Variants in EPS8L2 observed in about 807,000 individuals in gnomAD.
The protein encoded by EPS8L2 is EPS8 signaling adaptor L2, also known as epidermal growth factor receptor kinase substrate 8-like protein 2.
Under a neutral mutation model 99.4 loss-of-function variants are expected in EPS8L2, and 81 were observed. The observed-to-expected ratio is 0.82, with a 90% CI of 0.68 to 0.98. EPS8L2 has a LOEUF of 0.98. Ranked by LOEUF, EPS8L2 falls within the 50% of genes least tolerant of loss-of-function variation. The pLI is 0.00. For synonymous variants in EPS8L2, 509 were observed against 407.3 expected (o/e 1.25, Z -3.01); for missense variants, 1,155 against 968.8 (o/e 1.19, Z -2.55).
chr11:715,204 T>C (rs187724128), intron 4 of EPS8L2, among the ~76,000 whole-genome samples: 30 of 151,246 alleles, frequency 2.0e-4, no homozygotes, highest in Non-Finnish European at 2.9e-4. Flanking sequence ...ATTGCGCCAC[T>C]GCACTCCAGC....
At chr11:711,090 G>A (rs1861875431) in intron 4 of EPS8L2, among the ~76,000 whole-genome samples, 1 of 152,150 alleles carries the variant, frequency 6.6e-6, no homozygotes, top group African/African-American at 2.4e-5. Flanking sequence ...CCCTTGATGG[G>A]GGATTCAGGG....
At chr11:713,390 T>C (rs1478022316) in intron 4 of EPS8L2, among the ~76,000 whole-genome samples, 1 of 152,222 alleles carries the variant, frequency 6.6e-6, no homozygotes, top group South Asian at 2.1e-4. Flanking sequence ...TTCTGTTTGT[T>C]TGTGTGTTTG....
At position 724,308 on chromosome 11, in the gene EPS8L2, C is replaced by A. The variant is rs1055120030; in HGVS notation, c.1455-416C>A. On this transcript the variant is annotated intron_variant, in intron 15 of 20. Coordinates refer to ENST00000318562, the MANE Select transcript of EPS8L2 (RefSeq NM_022772.4). This position sits in a 1 kb window ranked among gnomAD's most constrained non-coding sequence, Gnocchi z 5.5. ...CCCGTCCTCCACTGGACCATTTGGG[C>A]TGTGTTCAGTCCTCAGAGGGGCCAC... 6.6e-6 allele frequency among the ~76,000 whole-genome samples: 1 copy of A among 152,098 alleles called. No individual in the cohort carries two copies. The highest frequency in any genetic ancestry group is 1.9e-4 in the East Asian group (1 of 5,152).
Position 726,464 on chromosome 11 carries a change from A to G in EPS8L2, c.1914A>G (p.Glu638=), listed in dbSNP as rs1313754872. The change falls in exon 19 of 21, where the codon GAA becomes GAG. Residue 638 remains glutamate, a synonymous_variant. Coordinates refer to ENST00000318562, the MANE Select transcript of EPS8L2 (RefSeq NM_022772.4). ...SGPDEVRAWL[E]AKAFSPRIVE... ...CGGACGAGGTCCGCGCCTGGCTGGA[A>G]GCCAAGGCCTTCAGCCCGCGGTGAG... is the stretch of plus-strand genomic sequence containing the variant. The G allele has an allele frequency of 6.4e-7, 1 of 1,572,748 alleles. No individual in the cohort carries two copies. Among genetic ancestry groups the G allele is most frequent in the Non-Finnish European group, 8.6e-7 (1 of 1,160,934 alleles).
At chr11:726,055 G>GGGGGC (rs1862308412) in intron 17 of EPS8L2, 43 bp from the exon 18 acceptor site, 2 of 1,408,028 alleles carry the variant, frequency 1.4e-6, no homozygotes, top group Non-Finnish European at 9.8e-7. Context: ...GCTGGGAGGC[G>GGGGGC]GGGGCGGGGC....
intron 18 of EPS8L2, 58 bp downstream of exon 18, chr11:726,228 G>A (rs915466330): frequency 5.8e-6 from 9 of 1,565,034 alleles, no homozygotes; most frequent in Admixed American, 5.6e-5. Context: ...GGGGGAGGAA[G>A]TGTGGGGGGG....
intron 4 of EPS8L2, among the ~76,000 whole-genome samples, chr11:710,938 G>T (rs555168250): frequency 6.6e-6 from 1 of 152,202 alleles, no homozygotes; most frequent in Admixed American, 6.5e-5. Flanking sequence ...CTCGCGGCCT[G>T]GGGGGTGAGG....
intron 4 of EPS8L2, among the ~76,000 whole-genome samples, chr11:713,210 GT>G (rs1293503310): frequency 1.3e-5 from 2 of 152,216 alleles, no homozygotes; most frequent in Admixed American, 1.3e-4. Context: ...CGGGTCCATG[GT>G]TTGCTTTTTT....
At chr11:721,005 A>AGGGGAGGGGAGGAGCCCGGCAGGGGCG in intron 7 of EPS8L2, 59 bp from the exon 8 acceptor site, 1 of 1,397,718 alleles carries the variant, frequency 7.2e-7, no homozygotes, top group Non-Finnish European at 9.5e-7. Flanking sequence ...GGAGCCCGGC[A>AGGGGAGGGGAGGAGCCCGGCAGGGGCG]GGGAGGGAGG....
chr11:718,936 A>G (rs148933975), intron 4 of EPS8L2, among the ~76,000 whole-genome samples: 7,623 of 137,132 alleles, frequency 0.056, 332 homozygotes, highest in Non-Finnish European at 0.08. Flanking sequence ...CCAAAGTGCT[A>G]GGATTACAGG....
At chr11:707,923 G>A (rs116474646) in intron 1 of EPS8L2, among the ~76,000 whole-genome samples, 2,185 of 152,242 alleles carry the variant, frequency 0.014, 52 homozygotes, top group African/African-American at 0.049. Flanking sequence ...ACTCAGGCTC[G>A]CCACTGAGCC....
At chr11:725,640 G>T (rs1262506098) in intron 16 of EPS8L2, 88 bp from the exon 17 acceptor site, 6 of 1,212,350 alleles carry the variant, frequency 4.9e-6, no homozygotes, top group Non-Finnish European at 6.2e-6. Context: ...ACCCTAGGGC[G>T]CTCCCGACCT....
chr11:726,530 AGG>A, intron 19 of EPS8L2, 46 bp downstream of exon 19: 1 of 1,402,834 alleles, frequency 7.1e-7, no homozygotes, highest in Non-Finnish European at 9.6e-7. Flanking sequence ...GAGGGGTGGG[AGG>A]TGCGGCCGAA....
chr11:710,613 C>T (rs2133500268), intron 4 of EPS8L2, 127 bp downstream of exon 4: 1 of 954,700 alleles, frequency 1.0e-6, no homozygotes, highest in Non-Finnish European at 1.6e-6. Flanking sequence ...CCTGTAGGCC[C>T]TGCTACTGGG....
At chr11:711,246 G>T (rs1340463065) in intron 4 of EPS8L2, among the ~76,000 whole-genome samples, 7 of 94,826 alleles carry the variant, frequency 7.4e-5, no homozygotes, top group African/African-American at 2.7e-4. Context: ...TTTTGTGTGC[G>T]TGTGTGCGTG....
intron 10 of EPS8L2, 64 bp from the exon 11 acceptor site, chr11:721,839 A>G: frequency 6.5e-7 from 1 of 1,534,722 alleles, no homozygotes; most frequent in Non-Finnish European, 8.9e-7. Flanking sequence ...GCTGCGTGGG[A>G]CAGAAGGCGC....
rs1001523431 is a variant in EPS8L2, at chr11:727,106, C to G, written c.*125C>G. 1.1e-5 allele frequency: 8 copies of G among 701,084 alleles called. No individual in the cohort carries two copies. The African/African-American group carries it at 1.3e-4, about 11-fold the overall frequency. The allele number at this position is 701,084 out of a possible 1,614,324, so 43.4% of individuals were successfully genotyped here. On this transcript the variant is annotated 3_prime_UTR_variant, in exon 21 of 21. Transcript: ENST00000318562. ...AGGGGGTGTGGTGCTGGCTAGAGGTCCCTGCCCCTGTCTGGAGGCACAACG... is the reference window on the plus strand; with the variant it reads ...AGGGGGTGTGGTGCTGGCTAGAGGTGCCTGCCCCTGTCTGGAGGCACAACG...
In EPS8L2 at chr11:721,005, A is replaced by AG. The variant is rs758503993; in HGVS notation, c.558-56dup. 9.4e-3 allele frequency: 13,162 copies of AG among 1,392,956 alleles called. 213 individuals are homozygous for AG. Among genetic ancestry groups the AG allele is most frequent in the Non-Finnish European group, 0.011 (11,350 of 1,047,408 alleles). 86.3% of individuals were successfully genotyped at this position (1,392,956 alleles called of 1,614,324 possible). A position where few individuals can be genotyped will look rare whatever the true frequency, so the allele number is the denominator to read the frequency against. On this transcript the variant is annotated intron_variant, in intron 7 of 20. Coordinates refer to ENST00000318562, the MANE Select transcript of EPS8L2 (RefSeq NM_022772.4). Reference sequence around the variant, plus strand: ...CGGCAGGGGAGGGGAGGAGCCCGGCAGGGAGGGAGGGTCAGGTGCGTTCCC... The same window carrying AG: ...CGGCAGGGGAGGGGAGGAGCCCGGCAGGGGAGGGAGGGTCAGGTGCGTTCCC...
intron 4 of EPS8L2, among the ~76,000 whole-genome samples, chr11:717,882 G>T (rs945721573): frequency 1.3e-5 from 2 of 151,984 alleles, no homozygotes; most frequent in Non-Finnish European, 1.5e-5. Context: ...GGTGGCAGGC[G>T]CCTGTAGTCC....
Sources: gnomAD v4.1 joint callset for allele counts (sites outside exome capture counted in the v4.1 genomes callset) on GRCh38, gnomAD v4.1.1 for gene constraint, Gnocchi (gnomAD v3.1) non-coding constraint, MANE v1.5 for transcripts, NCBI Gene and HGNC (gene_info 2026-07-23, HGNC 2026-07-21) for gene names.